SLC1A1: variants seen among roughly 807,000 people sequenced by gnomAD.
SLC1A1 encodes the protein excitatory amino acid transporter 3.
SLC1A1 carries 43 observed loss-of-function variants against 53.3 expected under a neutral mutation model. The ratio of observed to expected loss-of-function variants is 0.81; its 90% CI spans 0.63 to 1.04. The LOEUF is 1.04. Ranked by LOEUF, SLC1A1 falls within the 50% of genes least tolerant of loss-of-function variation. The pLI is 0.00. For missense variants in SLC1A1, 748 were observed against 664.9 expected (o/e 1.12, Z -1.37); for synonymous variants, 307 against 243.2 (o/e 1.26, Z -2.44).
Position 4,572,281 on chromosome 9 carries a change from T to C in SLC1A1, c.660T>C (p.Leu220=), listed in dbSNP as rs1323492338. 2.5e-6 allele frequency: 4 copies of C among 1,614,180 alleles called. No homozygotes were observed. In the South Asian group the frequency reaches 4.4e-5, roughly 18 times the overall value. ...INVLGLIVFC[L]VFGLVIGKMG... Reference sequence around the variant, plus strand: ...TCCTGGGCTTGATTGTCTTTTGCCTTGTCTTTGGACTTGTCATTGGAAAAA... The same window carrying C: ...TCCTGGGCTTGATTGTCTTTTGCCTCGTCTTTGGACTTGTCATTGGAAAAA... The change falls in exon 7 of 12, where the codon CTT becomes CTC. Residue 220 remains leucine (L), a synonymous_variant. Coordinates refer to ENST00000262352, the MANE Select transcript of SLC1A1 (RefSeq NM_004170.6).
intron 3 of SLC1A1, among the ~76,000 whole-genome samples, chr9:4,563,346 G>A (rs1391995728): frequency 6.6e-6 from 1 of 152,156 alleles, no homozygotes; most frequent in African/African-American, 2.4e-5. Flanking sequence ...CATCTCATGA[G>A]TTTCCTGAGG....
At chr9:4,527,133 G>A (rs190292252) in intron 1 of SLC1A1, among the ~76,000 whole-genome samples, 38 of 152,240 alleles carry the variant, frequency 2.5e-4, no homozygotes, top group African/African-American at 7.9e-4. Flanking sequence ...TGCAGGAGCC[G>A]AGAGGAGCCC....
chr9:4,567,570 A>G (rs1819606362), intron 5 of SLC1A1, 99 bp from the exon 6 acceptor site: 2 of 754,074 alleles, frequency 2.7e-6, no homozygotes, highest in African/African-American at 1.7e-5. Flanking sequence ...CTTCAGTGGC[A>G]CTGTTTGGCC....
At chr9:4,492,514 G>A (rs1271326118) in intron 1 of SLC1A1, among the ~76,000 whole-genome samples, 1 of 150,252 alleles carries the variant, frequency 6.7e-6, no homozygotes, top group African/African-American at 2.4e-5. Flanking sequence ...AGGACTTTTA[G>A]AGGGCCAGGC....
chr9:4,492,286 A>G (rs867198607), intron 1 of SLC1A1, among the ~76,000 whole-genome samples: 6 of 152,200 alleles, frequency 3.9e-5, no homozygotes, highest in Middle Eastern at 3.4e-3. Flanking sequence ...TTTCCTAGTG[A>G]TAAGAGTCGA....
At chr9:4,552,275 G>C (rs1033271225) in intron 2 of SLC1A1, among the ~76,000 whole-genome samples, 3 of 152,168 alleles carry the variant, frequency 2.0e-5, no homozygotes, top group Non-Finnish European at 2.9e-5. Flanking sequence ...CAGCAAGAAA[G>C]AGTACATTAC....
chr9:4,566,982 A>T (rs1433476213), intron 5 of SLC1A1, among the ~76,000 whole-genome samples: 1 of 152,142 alleles, frequency 6.6e-6, no homozygotes, highest in African/African-American at 2.4e-5. Context: ...AACCTCCTCT[A>T]TTACAGGGGG....
intron 1 of SLC1A1, among the ~76,000 whole-genome samples, chr9:4,502,436 T>C (rs1820669092): frequency 7.1e-6 from 1 of 141,464 alleles, no homozygotes; most frequent in African/African-American, 2.7e-5. Context: ...GTATGAGACA[T>C]TGAGAGAGAA....
At chr9:4,548,205 C>T (rs978671065) in intron 2 of SLC1A1, among the ~76,000 whole-genome samples, 2 of 152,132 alleles carry the variant, frequency 1.3e-5, no homozygotes, top group African/African-American at 2.4e-5. Context: ...GCCACCTTTA[C>T]CTGGTACACA....
At chr9:4,533,093 C>T (rs566198513) in intron 1 of SLC1A1, among the ~76,000 whole-genome samples, 46 of 152,318 alleles carry the variant, frequency 3.0e-4, no homozygotes, top group Non-Finnish European at 5.7e-4. Flanking sequence ...AAACCGGTGC[C>T]AGCCACTGCA....
At chr9:4,561,943 C>T (rs1052900313) in intron 3 of SLC1A1, among the ~76,000 whole-genome samples, 8 of 151,630 alleles carry the variant, frequency 5.3e-5, no homozygotes, top group South Asian at 2.1e-4. Flanking sequence ...TAAAAAGAGA[C>T]GTGGGGAGTC....
At chr9:4,535,981 G>A (rs925164168) in intron 1 of SLC1A1, among the ~76,000 whole-genome samples, 4 of 152,134 alleles carry the variant, frequency 2.6e-5, no homozygotes, top group African/African-American at 4.8e-5. Context: ...TGGGAAAACT[G>A]GCTAGCCATA....
At chr9:4,559,527 A>G (rs536059712) in intron 2 of SLC1A1, among the ~76,000 whole-genome samples, 239 of 149,358 alleles carry the variant, frequency 1.6e-3, no homozygotes, top group African/African-American at 5.7e-3. Context: ...ATATATGAGA[A>G]GCATAAACCC....
intron 1 of SLC1A1, among the ~76,000 whole-genome samples, chr9:4,505,800 G>C (rs974857957): frequency 6.6e-6 from 1 of 152,126 alleles, no homozygotes; most frequent in South Asian, 2.1e-4. Context: ...GGGATTATAG[G>C]CATGTGCCAC....
At chr9:4,506,386 G>C (rs1220258513) in intron 1 of SLC1A1, among the ~76,000 whole-genome samples, 1 of 152,188 alleles carries the variant, frequency 6.6e-6, no homozygotes, top group Non-Finnish European at 1.5e-5. Context: ...TTGTTATTAA[G>C]TGGAAAAGGC....
chr9:4,529,014 C>T (rs1816371364), intron 1 of SLC1A1, among the ~76,000 whole-genome samples: 1 of 152,162 alleles, frequency 6.6e-6, no homozygotes, highest in African/African-American at 2.4e-5. Flanking sequence ...ACTTCACTTT[C>T]TTCCTCATCT....
chr9:4,574,460 T>C (rs1820359580), intron 8 of SLC1A1, among the ~76,000 whole-genome samples: 1 of 152,116 alleles, frequency 6.6e-6, no homozygotes, highest in Non-Finnish European at 1.5e-5. Flanking sequence ...TGGCTGTTGG[T>C]TCAAACACTG....
intron 10 of SLC1A1, among the ~76,000 whole-genome samples, chr9:4,582,091 T>A (rs1821151342): frequency 6.6e-6 from 1 of 152,246 alleles, no homozygotes; most frequent in Non-Finnish European, 1.5e-5. Context: ...ACTGTAGGTG[T>A]GGCCTCCAGC....
intron 1 of SLC1A1, 94 bp downstream of exon 1, chr9:4,490,864 CT>C: frequency 9.3e-7 from 1 of 1,079,622 alleles, no homozygotes; most frequent in South Asian, 1.4e-5. Flanking sequence ...CGCTGGCGCA[CT>C]CCATGCAGGG....
Sources: gnomAD v4.1 joint callset for allele counts (sites outside exome capture counted in the v4.1 genomes callset) on GRCh38, gnomAD v4.1.1 for gene constraint, MANE v1.5 for transcripts, NCBI Gene and HGNC (gene_info 2026-07-23, HGNC 2026-07-21) for gene names.